SDC2: variants seen among roughly 807,000 people sequenced by gnomAD.
SDC2 encodes the protein syndecan-2.
Under a neutral mutation model 22.2 loss-of-function variants are expected in SDC2, and 13 were observed. The ratio of observed to expected loss-of-function variants is 0.59; its 90% CI spans 0.38 to 0.93. The LOEUF is 0.93. SDC2 is among the 40% of genes least tolerant of loss of function. The pLI is 0.00. For synonymous variants in SDC2, 94 were observed against 92.8 expected (o/e 1.01, Z -0.07); for missense variants, 235 against 246.8 (o/e 0.95, Z 0.32).
chr8:96,541,903 T>C (rs1813856530), intron 1 of SDC2, among the ~76,000 whole-genome samples: 1 of 152,202 alleles, frequency 6.6e-6, no homozygotes, highest in Non-Finnish European at 1.5e-5. Context: ...GCACCTGTTC[T>C]TTGGTTCCAG....
At chr8:96,503,749 T>C (rs979590471) in intron 1 of SDC2, among the ~76,000 whole-genome samples, 3 of 152,192 alleles carry the variant, frequency 2.0e-5, no homozygotes, top group Admixed American at 6.5e-5. Context: ...AATCAAAAAA[T>C]GGCACCAGAG....
intron 1 of SDC2, among the ~76,000 whole-genome samples, chr8:96,575,589 T>G (rs1814474537): frequency 2.0e-5 from 3 of 152,174 alleles, no homozygotes; most frequent in Admixed American, 2.0e-4. Context: ...ATTTCTTTCT[T>G]TAATTAAATT....
chr8:96,546,849 G>C (rs1245685716), intron 1 of SDC2, among the ~76,000 whole-genome samples: 1 of 152,186 alleles, frequency 6.6e-6, no homozygotes, highest in Non-Finnish European at 1.5e-5. Flanking sequence ...TCAGTCTCTG[G>C]CTTCTGATTC....
chr8:96,588,913 G>T lies in SDC2; in HGVS notation c.61-4567G>T, dbSNP rs550124677. On this transcript the variant is annotated intron_variant, in intron 1 of 4. Transcript: ENST00000302190. The stretch of plus-strand genomic sequence containing the variant: ...TTTCCACACTGGCAGTTTGAAACAT[G>T]GTATTTGTTCAGTGTAGGTTTTACC... Among the ~76,000 whole-genome samples, 35 of 152,254 alleles carry T rather than the reference G, an allele frequency of 2.3e-4. No individual in the cohort carries two copies. In the East Asian group the frequency reaches 4.2e-3, roughly 18 times the overall value.
chr8:96,561,378 G>C (rs1404218791), intron 1 of SDC2, among the ~76,000 whole-genome samples: 2 of 152,184 alleles, frequency 1.3e-5, no homozygotes, highest in African/African-American at 4.8e-5. Flanking sequence ...CAAAGCTGAG[G>C]GGAGGAAGAA....
At chr8:96,590,697 A>C (rs551886251) in intron 1 of SDC2, among the ~76,000 whole-genome samples, 109 of 152,180 alleles carry the variant, frequency 7.2e-4, no homozygotes, top group Admixed American at 1.5e-3. Flanking sequence ...CAGAGTGAAA[A>C]GGGCCCTGCT....
At chr8:96,561,625 A>C (rs1814212250) in intron 1 of SDC2, among the ~76,000 whole-genome samples, 1 of 152,214 alleles carries the variant, frequency 6.6e-6, no homozygotes, top group South Asian at 2.1e-4. Context: ...CCCTCAGTCC[A>C]TGTAACAAAA....
intron 3 of SDC2, 86 bp downstream of exon 3, chr8:96,602,614 T>C: frequency 4.1e-6 from 6 of 1,445,792 alleles, no homozygotes; most frequent in Non-Finnish European, 5.7e-6. Flanking sequence ...CCCTTTTGTA[T>C]TATTTTCTTC....
chr8:96,569,578 G>A (rs758778606), intron 1 of SDC2, among the ~76,000 whole-genome samples: 2 of 152,170 alleles, frequency 1.3e-5, no homozygotes, highest in Non-Finnish European at 2.9e-5. Context: ...CTAAAATGAA[G>A]CTGTAAAAGT....
intron 1 of SDC2, among the ~76,000 whole-genome samples, chr8:96,520,927 G>T (rs1414218504): frequency 6.6e-6 from 1 of 152,180 alleles, no homozygotes; most frequent in Non-Finnish European, 1.5e-5. Flanking sequence ...AGAAGGCGGA[G>T]CTCTGGGAGA....
intron 1 of SDC2, among the ~76,000 whole-genome samples, chr8:96,532,728 C>T (rs1813685509): frequency 6.6e-6 from 1 of 152,216 alleles, no homozygotes; most frequent in East Asian, 1.9e-4. Context: ...AGTGCAGCCC[C>T]TAGCCCGCAC....
intron 3 of SDC2, 44 bp downstream of exon 3, chr8:96,602,572 A>G (rs778810521): frequency 2.5e-6 from 4 of 1,604,958 alleles, no homozygotes; most frequent in Admixed American, 3.4e-5. Flanking sequence ...GGTTATTACA[A>G]ATGCTTCACT....
chr8:96,561,736 C>T (rs1451722962), intron 1 of SDC2, among the ~76,000 whole-genome samples: 1 of 152,046 alleles, frequency 6.6e-6, no homozygotes, highest in East Asian at 1.9e-4. Context: ...AATTTGGATA[C>T]CAGTAGTGAA....
At chr8:96,597,013 C>T (rs1015450795) in intron 2 of SDC2, among the ~76,000 whole-genome samples, 1 of 152,148 alleles carries the variant, frequency 6.6e-6, no homozygotes, top group African/African-American at 2.4e-5. Context: ...AATAGATCCC[C>T]TGGTTCCTTT....
chr8:96,594,858 G>A (rs1814845933), intron 2 of SDC2, among the ~76,000 whole-genome samples: 1 of 152,178 alleles, frequency 6.6e-6, no homozygotes, highest in Admixed American at 6.5e-5. Flanking sequence ...TGAGTGAAGA[G>A]GGGATAAGCC....
At chr8:96,516,559 A>C (rs78798632) in intron 1 of SDC2, among the ~76,000 whole-genome samples, 5 of 152,008 alleles carry the variant, frequency 3.3e-5, no homozygotes, top group African/African-American at 1.2e-4. Flanking sequence ...AAAAAAAAAA[A>C]CCTGTACCCA....
At chr8:96,576,374 G>GTTTTTTTTTTTTTTTTTTTTTTT (rs1225034584) in intron 1 of SDC2, among the ~76,000 whole-genome samples, 4 of 40,634 alleles carry the variant, frequency 9.8e-5, no homozygotes, top group African/African-American at 3.5e-4. Context: ...GTTTGTTTTT[G>GTTTTTTTTTTTTTTTTTTTTTTT]TTTTGTTTTG....
chr8:96,497,436 A>T (rs1813093187), intron 1 of SDC2, among the ~76,000 whole-genome samples: 1 of 152,214 alleles, frequency 6.6e-6, no homozygotes, highest in South Asian at 2.1e-4. Flanking sequence ...CAATTTGAGC[A>T]TGCCCTTCAG....
chr8:96,509,017 A>G (rs1260977173), intron 1 of SDC2, among the ~76,000 whole-genome samples: 1 of 142,156 alleles, frequency 7.0e-6, no homozygotes, highest in Non-Finnish European at 1.6e-5. Flanking sequence ...TGATTTCTTT[A>G]CCAACTTTTA....
Sources: gnomAD v4.1 joint callset for allele counts (sites outside exome capture counted in the v4.1 genomes callset) on GRCh38, gnomAD v4.1.1 for gene constraint, MANE v1.5 for transcripts, NCBI Gene and HGNC (gene_info 2026-07-23, HGNC 2026-07-21) for gene names.